ATG4B: variants seen among roughly 807,000 people sequenced by gnomAD.
ATG4B encodes the protein autophagy related 4B cysteine peptidase.
Under a neutral mutation model 56.6 loss-of-function variants are expected in ATG4B, and 29 were observed. The observed-to-expected ratio is 0.51, with a 90% confidence interval of 0.38 to 0.70. The LOEUF (loss-of-function observed/expected upper bound fraction) is 0.70, where lower values mean the gene tolerates loss of function less well. Among genes scored for constraint, ATG4B ranks in the 30% least tolerant of loss-of-function variants. ATG4B has a pLI of 0.00. For missense variants in ATG4B, 461 were observed against 515.5 expected, an observed-to-expected ratio of 0.89 and a Z score of 1.02; for synonymous variants, 224 against 206.1, an observed-to-expected ratio of 1.09 and a Z score of -0.74.
At chr2:241,653,738 T>A in intron 4 of ATG4B, 128 bp downstream of exon 4, 1 of 743,434 alleles carries the variant, frequency 1.3e-6, no homozygotes, top group Non-Finnish European at 2.2e-6. Flanking sequence ...GTTTCTTGAG[T>A]AATGAGCCAC....
intron 3 of ATG4B, chr2:241,652,107 A>G (rs944956569): frequency 2.1e-6 from 1 of 466,386 alleles, no homozygotes; most frequent in African/African-American, 2.0e-5. Context: ...ATTGGAGAAC[A>G]CTGACGCGTA....
intron 7 of ATG4B, among the ~76,000 whole-genome samples, chr2:241,665,168 T>C (rs2068723990): frequency 6.6e-6 from 1 of 152,214 alleles, no homozygotes; most frequent in African/African-American, 2.4e-5. Flanking sequence ...TTTCCAGCTG[T>C]CTGTTTTGAG....
In ATG4B at chr2:241,666,849, CCGTG is replaced by C. The variant is rs2068792771; in HGVS notation, c.732+14_732+17del. 6.5e-7 allele frequency: 1 copy of C among 1,549,008 alleles called. No individual in the cohort carries two copies. The highest frequency in any genetic ancestry group is 8.7e-7 in the Non-Finnish European group (1 of 1,147,426). On this transcript the variant is annotated intron_variant, in intron 8 of 12. Coordinates refer to ENST00000404914, the MANE Select transcript of ATG4B (RefSeq NM_013325.5). ...GTGGAGACGCTGAAGGTGGGTCCTG[CCGTG>C]CGGCGCTTGCCCTGAGTCCCCGTCC...
chr2:241,650,816 C>A (rs2068206498), intron 1 of ATG4B, among the ~76,000 whole-genome samples, 194 bp from the exon 2 acceptor site: 1 of 151,998 alleles, frequency 6.6e-6, no homozygotes, highest in Non-Finnish European at 1.5e-5. Context: ...CCCAGCAGGG[C>A]CTCCTTCTCT....
Position 241,663,474 on chromosome 2 carries a change from G to C in ATG4B, c.539-3171G>C, listed in dbSNP as rs1166993597. On this transcript the variant is annotated intron_variant, in intron 7 of 12. Transcript: ENST00000404914. ...CCTGGAAATGTGAAACCTCAAAAAA[G>C]TCAAGTGTAGAGACCGTAACTATGT... Among the ~76,000 whole-genome samples, 4 of 152,150 alleles carry C rather than the reference G, an allele frequency of 2.6e-5. 1 individual carries two copies. Among genetic ancestry groups the C allele is most frequent in the Admixed American group, 2.6e-4 (4 of 15,268 alleles).
intron 4 of ATG4B, 123 bp from the exon 5 acceptor site, chr2:241,654,423 A>T (rs1343416058): frequency 9.4e-6 from 4 of 427,230 alleles, no homozygotes; most frequent in East Asian, 8.6e-5. Flanking sequence ...TCTGTTTAAA[A>T]AAAAAAAAAA....
chr2:241,641,318 AG>A (rs1328376478), intron 1 of ATG4B, among the ~76,000 whole-genome samples: 1 of 152,204 alleles, frequency 6.6e-6, no homozygotes, highest in Non-Finnish European at 1.5e-5. Context: ...TGAGAGGCCG[AG>A]GTGGGCGGAT....
chr2:241,658,730 G>T (rs2068493325), intron 6 of ATG4B, among the ~76,000 whole-genome samples: 1 of 152,260 alleles, frequency 6.6e-6, no homozygotes, highest in South Asian at 2.1e-4. Context: ...GAGCAGAGCA[G>T]AGCGTGAAGG....
In ATG4B at chr2:241,651,208, C is replaced by T; in HGVS notation, c.113-56C>T. On this transcript the variant is annotated intron_variant, in intron 2 of 12. Coordinates refer to ENST00000404914, the MANE Select transcript of ATG4B (RefSeq NM_013325.5). The surrounding 1 kb of genome is among the most constrained non-coding windows in gnomAD (Gnocchi z 4.1). The stretch of plus-strand genomic sequence containing the variant: ...CTGCTAACTCTGCCATAACTTGTGA[C>T]TTGCAAACTTAAGGCGTTGTGTGTG... The T allele has an allele frequency of 6.4e-7, 1 of 1,555,976 alleles. No individual in the cohort carries two copies. The highest frequency in any genetic ancestry group is 1.2e-5 in the South Asian group (1 of 85,204).
chr2:241,651,396 T>TAA lies in ATG4B; in HGVS notation c.184+62_184+63insAA. 7.6e-7 allele frequency: 1 copy of TAA among 1,317,032 alleles called. No individual in the cohort carries two copies. Among genetic ancestry groups the TAA allele is most frequent in the Non-Finnish European group, 1.1e-6 (1 of 945,128 alleles). The allele number at this position is 1,317,032 out of a possible 1,614,324, so 81.6% of individuals were successfully genotyped here. A position where few individuals can be genotyped will look rare whatever the true frequency, so the allele number is the denominator to read the frequency against. ...TATGTTTTTAGGAAGGAGGAAAACT[T>TAA]ACGCTTGTAGATTTGACTTCAATAT... is the stretch of plus-strand genomic sequence containing the variant. On this transcript the variant is annotated intron_variant, in intron 3 of 12. Transcript: ENST00000404914. This position sits in a 1 kb window ranked among gnomAD's most constrained non-coding sequence, Gnocchi z 4.1.
At chr2:241,656,137 A>T (rs1430345169) in intron 6 of ATG4B, among the ~76,000 whole-genome samples, 4 of 151,218 alleles carry the variant, frequency 2.6e-5, no homozygotes, top group South Asian at 2.1e-4. Context: ...TCTGTATCCC[A>T]CTCAAGGCCC....
At chr2:241,658,424 C>G (rs893746934) in intron 6 of ATG4B, among the ~76,000 whole-genome samples, 1 of 152,170 alleles carries the variant, frequency 6.6e-6, no homozygotes, top group Non-Finnish European at 1.5e-5. Context: ...ACCCAGCTCC[C>G]CTCCACAGGT....
intron 6 of ATG4B, 63 bp from the exon 7 acceptor site, chr2:241,659,045 C>T: frequency 7.5e-7 from 1 of 1,333,308 alleles, no homozygotes; most frequent in Non-Finnish European, 1.0e-6. Flanking sequence ...GCAGCTATAG[C>T]TGCAAAGATG....
At chr2:241,672,025 A>G (rs993021758) in intron 12 of ATG4B, 166 bp from the exon 13 acceptor site, 15 of 1,311,028 alleles carry the variant, frequency 1.1e-5, no homozygotes, top group Non-Finnish European at 1.4e-5. Flanking sequence ...CTCCCCCCAT[A>G]TTCGCAGGTC....
intron 1 of ATG4B, among the ~76,000 whole-genome samples, chr2:241,643,131 C>T (rs1423849088): frequency 1.3e-5 from 2 of 151,492 alleles, no homozygotes; most frequent in South Asian, 2.1e-4. Flanking sequence ...GTGATCTGCC[C>T]GCCTCGGCCT....
In ATG4B at chr2:241,637,738, G is replaced by C; in HGVS notation, c.10+14G>C. ...AGATGGACGCAGGTGAGGAGTTGCC[G>C]GGGGTCGGTCTTTCCGCAGGAGGTG... is the stretch of plus-strand genomic sequence containing the variant. On this transcript the variant is annotated intron_variant, in intron 1 of 12. Transcript: ENST00000404914. 3 of 1,573,876 alleles carry C rather than the reference G, an allele frequency of 1.9e-6. No individual in the cohort carries two copies. Among genetic ancestry groups the C allele is most frequent in the Non-Finnish European group, 2.6e-6 (3 of 1,163,636 alleles).
chr2:241,647,233 C>A (rs573806047), intron 1 of ATG4B, among the ~76,000 whole-genome samples: 1 of 152,146 alleles, frequency 6.6e-6, no homozygotes, highest in South Asian at 2.1e-4. Context: ...ATATGTGTAT[C>A]TTTAGTTCAA....
At chr2:241,639,932 G>A (rs951291322) in intron 1 of ATG4B, among the ~76,000 whole-genome samples, 2 of 152,184 alleles carry the variant, frequency 1.3e-5, no homozygotes, top group African/African-American at 2.4e-5. Context: ...TCCGAGACTC[G>A]TCGCTTGGCT....
chr2:241,653,418 T>G, intron 3 of ATG4B, 94 bp from the exon 4 acceptor site: 1 of 1,551,396 alleles, frequency 6.4e-7, no homozygotes, highest in Non-Finnish European at 8.7e-7. Flanking sequence ...TCGGTGCCTG[T>G]GGTGTGGGAC....
Sources: gnomAD v4.1 joint callset for allele counts (sites outside exome capture counted in the v4.1 genomes callset) on GRCh38, gnomAD v4.1.1 for gene constraint, Gnocchi (gnomAD v3.1) non-coding constraint, MANE v1.5 for transcripts, NCBI Gene and HGNC (gene_info 2026-07-23, HGNC 2026-07-21) for gene names.